NEBL: variants seen among roughly 807,000 people sequenced by gnomAD.
NEBL encodes the protein LIM and SH3 protein 2.
A neutral mutation model predicts 140.2 loss-of-function variants in NEBL; 122 were observed. The ratio of observed to expected loss-of-function variants is 0.87; its 90% CI spans 0.75 to 1.01. The LOEUF (loss-of-function observed/expected upper bound fraction) is 1.01, where lower values mean the gene tolerates loss of function less well. Ranked by LOEUF, NEBL falls within the 50% of genes least tolerant of loss-of-function variation. The pLI is 0.00. For missense variants in NEBL, 1,365 were observed against 1,231.3 expected (o/e 1.11, Z -1.62); for synonymous variants, 436 against 398.9 (o/e 1.09, Z -1.11).
chr10:20,912,570 A>C (rs1409308876), intron 4 of NEBL, among the ~76,000 whole-genome samples: 1 of 152,180 alleles, frequency 6.6e-6, no homozygotes, highest in Non-Finnish European at 1.5e-5. Context: ...TTTATCAACC[A>C]CTTTCATGAA....
chr10:20,819,157 A>T, intron 20 of NEBL: 1 of 861,738 alleles, frequency 1.2e-6, no homozygotes, highest in Non-Finnish European at 1.6e-6. Context: ...AGATGACTTC[A>T]TCACCCCGGC....
At chr10:21,198,541 C>T (rs1296860518) in intron 3 of NEBL, among the ~76,000 whole-genome samples, 1 of 152,154 alleles carries the variant, frequency 6.6e-6, no homozygotes, top group Non-Finnish European at 1.5e-5. Flanking sequence ...TAGAGGTGGG[C>T]TACTCAGAGC....
At chr10:20,840,961 A>C (rs1385383227) in intron 12 of NEBL, 112 bp from the exon 13 acceptor site, 4 of 709,418 alleles carry the variant, frequency 5.6e-6, no homozygotes, top group African/African-American at 1.8e-5. Context: ...ACTAGGAAGG[A>C]ATGAATCACA....
rs759951976 is a variant in NEBL at position 20,826,492 on chromosome 10, G to A, written c.1824C>T (p.Ser608=). ...TTTTCTTCACTCGTTCGATCTCTGG[G>A]CTATCTTTCACTGCAGTGCCAGCTC... ...EVGAGTAVKD[S]PEIERVKKNQ... The change falls in exon 18 of 28, where the codon AGC becomes AGT. Residue 608 remains serine (S), a synonymous_variant. Transcript: ENST00000377122. 1.9e-6 allele frequency: 3 copies of A among 1,612,790 alleles called. No individual in the cohort carries two copies. The highest frequency in any genetic ancestry group is 1.7e-4 in the Middle Eastern group (1 of 6,050).
intron 4 of NEBL, among the ~76,000 whole-genome samples, chr10:20,921,961 A>G (rs1168861550): frequency 6.6e-6 from 1 of 152,192 alleles, no homozygotes; most frequent in South Asian, 2.1e-4. Context: ...TTAGTAATAA[A>G]CCTCACTACA....
chr10:21,195,652 A>G (rs980418345), intron 3 of NEBL, among the ~76,000 whole-genome samples: 1 of 152,210 alleles, frequency 6.6e-6, no homozygotes, highest in African/African-American at 2.4e-5. Flanking sequence ...CCATGTAACC[A>G]CATACCTCCC....
At chr10:21,101,071 G>A (rs572136932) in intron 2 of NEBL, among the ~76,000 whole-genome samples, 43 of 152,292 alleles carry the variant, frequency 2.8e-4, no homozygotes, top group African/African-American at 1.0e-3. Context: ...TCACAGGCCT[G>A]AAGCAGAAGT....
At chr10:21,256,221 C>T (rs1417460421) in intron 1 of NEBL, among the ~76,000 whole-genome samples, 3 of 152,012 alleles carry the variant, frequency 2.0e-5, no homozygotes, top group Non-Finnish European at 4.4e-5. Flanking sequence ...ACACCCACCA[C>T]CATACCTGGC....
chr10:20,904,566 A>G (rs1848010467), intron 4 of NEBL, among the ~76,000 whole-genome samples: 1 of 152,300 alleles, frequency 6.6e-6, no homozygotes, highest in South Asian at 2.1e-4. Context: ...AATTTCTAGC[A>G]TTTATTGATA....
At chr10:20,881,756 G>A (rs144291846) in intron 4 of NEBL, among the ~76,000 whole-genome samples, 13 of 151,998 alleles carry the variant, frequency 8.6e-5, no homozygotes, top group Admixed American at 6.5e-5. Context: ...TTCAGTGAAT[G>A]AATAAATAAA....
intron 2 of NEBL, among the ~76,000 whole-genome samples, chr10:21,052,519 G>A (rs7904437): frequency 0.049 from 7,448 of 152,264 alleles, 604 homozygotes; most frequent in African/African-American, 0.17. Flanking sequence ...CAGTGGAACA[G>A]GGGACTCACC....
At chr10:20,810,717 C>T (rs1020944529) in intron 24 of NEBL, among the ~76,000 whole-genome samples, 2 of 152,102 alleles carry the variant, frequency 1.3e-5, no homozygotes, top group African/African-American at 4.8e-5. Context: ...TACAGCTGTA[C>T]CAACAACTGG....
chr10:21,094,419 G>A (rs991363591), intron 2 of NEBL, among the ~76,000 whole-genome samples: 1 of 147,408 alleles, frequency 6.8e-6, no homozygotes, highest in African/African-American at 2.5e-5. Flanking sequence ...GGAGAATGGC[G>A]TGAACCACAG....
chr10:20,929,430 G>T (rs943281573), intron 4 of NEBL, among the ~76,000 whole-genome samples: 2 of 152,078 alleles, frequency 1.3e-5, no homozygotes, highest in African/African-American at 4.8e-5. Flanking sequence ...GACAAAAGTT[G>T]AAAATTGTAA....
At chr10:21,028,099 C>A (rs1450316323) in intron 2 of NEBL, among the ~76,000 whole-genome samples, 1 of 151,556 alleles carries the variant, frequency 6.6e-6, no homozygotes, top group Non-Finnish European at 1.5e-5. Context: ...TGATAGCACA[C>A]ACCTATAATC....
chr10:21,115,164 A>G (rs566612691), intron 2 of NEBL, among the ~76,000 whole-genome samples: 1 of 152,084 alleles, frequency 6.6e-6, no homozygotes, highest in Admixed American at 6.6e-5. Flanking sequence ...ATATATTATA[A>G]TAACTTCATG....
At chr10:20,897,413 C>T, upstream of NEBL, 1 of 1,319,778 alleles carries the variant, frequency 7.6e-7, no homozygotes, top group Non-Finnish European at 9.6e-7. Context: ...CCAGGCTGGC[C>T]TCACAAGTGG....
chr10:20,796,650 A>G (rs533200010), intron 26 of NEBL, among the ~76,000 whole-genome samples: 29 of 152,234 alleles, frequency 1.9e-4, no homozygotes, highest in South Asian at 1.0e-3. Flanking sequence ...AATTTCTGCT[A>G]TTTTACTTCA....
intron 3 of NEBL, among the ~76,000 whole-genome samples, chr10:20,963,695 G>T (rs1836163927): frequency 1.3e-5 from 2 of 152,110 alleles, no homozygotes; most frequent in African/African-American, 2.4e-5. Flanking sequence ...ACCACACCCA[G>T]CCTAGAATCA....
Sources: allele counts gnomAD v4.1 joint callset (sites outside exome capture counted in the v4.1 genomes callset), GRCh38; gene constraint gnomAD v4.1.1; transcripts MANE v1.5; gene names NCBI Gene and HGNC (gene_info 2026-07-23, HGNC 2026-07-21).